The following NCALD variants were observed in gnomAD, a reference collection of about 807,000 sequenced individuals.
The protein encoded by NCALD is neurocalcin-delta.
NCALD carries 10 observed loss-of-function variants against 18.6 expected under a neutral mutation model. The ratio of observed to expected loss-of-function variants is 0.54; its 90% CI spans 0.33 to 0.91. The LOEUF (loss-of-function observed/expected upper bound fraction) is 0.91. Among genes scored for constraint, NCALD ranks in the 40% least tolerant of loss-of-function variants. The probability of loss-of-function intolerance (pLI) is 0.03; values close to 1 mark genes in which losing one functional copy is unlikely to be tolerated. For synonymous variants in NCALD, 88 were observed against 87.4 expected, an observed-to-expected ratio of 1.01 and a Z score of -0.04; for missense variants, 184 against 247.6, an observed-to-expected ratio of 0.74 and a Z score of 1.72.
intron 2 of NCALD, among the ~76,000 whole-genome samples, chr8:101,992,799 C>G (rs1477169408): frequency 6.6e-6 from 1 of 152,038 alleles, no homozygotes; most frequent in Admixed American, 6.6e-5. Flanking sequence ...TGGCACACAA[C>G]AGGTGCTCAC....
intron 1 of NCALD, among the ~76,000 whole-genome samples, chr8:102,039,381 G>A (rs1337647446): frequency 6.6e-6 from 1 of 152,162 alleles, no homozygotes; most frequent in East Asian, 1.9e-4. Context: ...TCTTCAGAAA[G>A]AAATAACACA....
intron 1 of NCALD, among the ~76,000 whole-genome samples, chr8:102,094,061 A>G (rs1825013424): frequency 6.6e-6 from 1 of 152,052 alleles, no homozygotes; most frequent in African/African-American, 2.4e-5. Flanking sequence ...ACATTTCACC[A>G]CCCCCTTCAT....
intron 1 of NCALD, among the ~76,000 whole-genome samples, chr8:101,772,803 A>G (rs890503839): frequency 6.6e-6 from 1 of 152,148 alleles, no homozygotes; most frequent in Non-Finnish European, 1.5e-5. Context: ...CTGGGACAAC[A>G]TTTGGTTCAC....
At chr8:102,084,497 T>C (rs1051600151) in intron 1 of NCALD, among the ~76,000 whole-genome samples, 2 of 152,214 alleles carry the variant, frequency 1.3e-5, no homozygotes, top group African/African-American at 4.8e-5. Flanking sequence ...AACTTTGACC[T>C]GGAGTTTTAT....
intron 3 of NCALD, among the ~76,000 whole-genome samples, chr8:101,896,912 TTGG>T (rs1817203391): frequency 1.0e-5 from 1 of 96,400 alleles, no homozygotes; most frequent in Non-Finnish European, 1.9e-5. Context: ...TTTTACACTG[TTGG>T]TGGGACTGTA....
intron 2 of NCALD, among the ~76,000 whole-genome samples, chr8:101,991,256 C>T (rs1256897360): frequency 6.6e-6 from 1 of 152,142 alleles, no homozygotes; most frequent in African/African-American, 2.4e-5. Flanking sequence ...ACAGCCTTGT[C>T]ATAATTGCTA....
At chr8:102,106,299 C>G (rs898511890) in intron 1 of NCALD, among the ~76,000 whole-genome samples, 1 of 151,862 alleles carries the variant, frequency 6.6e-6, no homozygotes, top group African/African-American at 2.4e-5. Flanking sequence ...GTCTCAAACT[C>G]CTGACCTCAT....
At chr8:101,870,378 G>A (rs1197235000) in intron 4 of NCALD, among the ~76,000 whole-genome samples, 1 of 152,170 alleles carries the variant, frequency 6.6e-6, no homozygotes, top group Non-Finnish European at 1.5e-5. Flanking sequence ...TGATTTGGCT[G>A]TACAGGTACT....
chr8:102,050,693 A>T (rs1823413225), intron 1 of NCALD, among the ~76,000 whole-genome samples: 1 of 147,526 alleles, frequency 6.8e-6, no homozygotes, highest in South Asian at 2.1e-4. Flanking sequence ...TTATGTTTGT[A>T]TATATAGCAT....
chr8:102,072,017 C>T (rs1824192691), intron 1 of NCALD, among the ~76,000 whole-genome samples: 1 of 152,166 alleles, frequency 6.6e-6, no homozygotes, highest in South Asian at 2.1e-4. Context: ...ATAGCCAAGA[C>T]AACTCTGAAA....
At chr8:101,827,214 G>C (rs912751148) in intron 4 of NCALD, among the ~76,000 whole-genome samples, 1 of 152,114 alleles carries the variant, frequency 6.6e-6, no homozygotes, top group Non-Finnish European at 1.5e-5. Flanking sequence ...GTGTCACATT[G>C]TCTTTTCCTC....
At chr8:101,730,478 T>TCAAA (rs1816774500) in intron 1 of NCALD, among the ~76,000 whole-genome samples, 1 of 26,074 alleles carries the variant, frequency 3.8e-5, no homozygotes. Flanking sequence ...AGACTCCATC[T>TCAAA]CAAAAAAAAA....
chr8:101,822,060 G>T (rs1399083147), intron 4 of NCALD, among the ~76,000 whole-genome samples: 1 of 152,032 alleles, frequency 6.6e-6, no homozygotes, highest in Admixed American at 6.6e-5. Context: ...GCATAAGGTT[G>T]TTGTAAGTAT....
At chr8:102,024,080 G>A (rs1822372983) in intron 1 of NCALD, among the ~76,000 whole-genome samples, 1 of 152,172 alleles carries the variant, frequency 6.6e-6, no homozygotes, top group Admixed American at 6.5e-5. Flanking sequence ...TTCTTATAAA[G>A]AAGAATGCCA....
At position 101,687,695 on chromosome 8, in the gene NCALD, G is replaced by C. The variant is rs1428939206; in HGVS notation, c.*1614C>G. ...AAATATACCCACTAGGGACCTCTCT[G>C]CCTTCTCTTAGTGGCAAGTTCCCCA... On this transcript the variant is annotated 3_prime_UTR_variant, in exon 4 of 4. Coordinates refer to ENST00000220931, the MANE Select transcript of NCALD (RefSeq NM_032041.3). 1 of 152,164 alleles carries C rather than the reference G, an allele frequency of 6.6e-6. No homozygotes were observed. The highest frequency in any genetic ancestry group is 1.5e-5 in the Non-Finnish European group (1 of 68,040). 9.4% of individuals were successfully genotyped at this position (152,164 alleles called of 1,614,324 possible).
At chr8:101,965,756 A>G (rs1308111532) in intron 2 of NCALD, among the ~76,000 whole-genome samples, 1 of 152,236 alleles carries the variant, frequency 6.6e-6, no homozygotes, top group African/African-American at 2.4e-5. Flanking sequence ...CAGAACTTAG[A>G]GTATAATTTT....
chr8:101,836,292 T>C (rs775858609), intron 4 of NCALD, among the ~76,000 whole-genome samples: 3 of 152,186 alleles, frequency 2.0e-5, no homozygotes, highest in Non-Finnish European at 2.9e-5. Context: ...TGAAAAGATA[T>C]ACAAATTGTG....
chr8:102,029,430 A>G (rs928549694), intron 1 of NCALD, among the ~76,000 whole-genome samples: 8 of 152,180 alleles, frequency 5.3e-5, no homozygotes, highest in African/African-American at 1.9e-4. Context: ...CTACAATAGA[A>G]CTCATAAGTG....
chr8:102,099,679 C>A (rs1027473617), intron 1 of NCALD, among the ~76,000 whole-genome samples: 2 of 151,334 alleles, frequency 1.3e-5, no homozygotes, highest in Non-Finnish European at 2.9e-5. Context: ...CACCGTGGCT[C>A]ACGCCTATAA....
Sources: allele counts gnomAD v4.1 joint callset (sites outside exome capture counted in the v4.1 genomes callset), GRCh38; gene constraint gnomAD v4.1.1; transcripts MANE v1.5; gene names NCBI Gene and HGNC (gene_info 2026-07-23, HGNC 2026-07-21).